The following GRIK3 variants were observed in gnomAD, a reference collection of about 807,000 sequenced individuals.
The protein encoded by GRIK3 is glutamate ionotropic receptor kainate type subunit 3, also known as glutamate receptor ionotropic, kainate 3.
Under a neutral mutation model 102.5 loss-of-function variants are expected in GRIK3, and 29 were observed. That is an observed-to-expected ratio of 0.28 (90% CI 0.21 to 0.39). The LOEUF (loss-of-function observed/expected upper bound fraction) is 0.39, where lower values mean the gene tolerates loss of function less well. Among genes scored for constraint, GRIK3 ranks in the 10% least tolerant of loss-of-function variants. The pLI is 1.00. For synonymous variants in GRIK3, 511 were observed against 504.9 expected (o/e 1.01, Z -0.16); for missense variants, 908 against 1,252.4 (o/e 0.73, Z 4.15).
At chr1:36,928,950 A>C (rs1641559145) in intron 1 of GRIK3, among the ~76,000 whole-genome samples, 1 of 152,222 alleles carries the variant, frequency 6.6e-6, no homozygotes, top group African/African-American at 2.4e-5. Context: ...AATGGGTAAT[A>C]TACATAATGA....
In GRIK3 at chr1:36,819,973, C is replaced by A. The variant is rs1557692017; in HGVS notation, c.1755-119G>T. ...CCTCAGCGTCAATATCCTCATGGTT[C>A]TGCTGGGAGGCAGGGCAGGGGAATT... On this transcript the variant is annotated intron_variant, in intron 11 of 15. Coordinates refer to ENST00000373091, the MANE Select transcript of GRIK3 (RefSeq NM_000831.4). This position sits in a 1 kb window ranked among gnomAD's most constrained non-coding sequence, Gnocchi z 4.1. The A allele has an allele frequency of 4.7e-6, 3 of 638,944 alleles. No homozygotes were observed. The highest frequency in any genetic ancestry group is 8.7e-6 in the Non-Finnish European group (3 of 345,160). The allele number at this position is 638,944 out of a possible 1,614,324, so 39.6% of individuals were successfully genotyped here.
intron 5 of GRIK3, among the ~76,000 whole-genome samples, chr1:36,868,860 A>G (rs1263971989): frequency 2.0e-5 from 3 of 152,190 alleles, no homozygotes; most frequent in Non-Finnish European, 4.4e-5. Flanking sequence ...GGGGTCATAG[A>G]TGCTGGGTAG....
chr1:36,902,419 C>T (rs971561519), intron 1 of GRIK3, among the ~76,000 whole-genome samples: 4 of 152,186 alleles, frequency 2.6e-5, no homozygotes, highest in Admixed American at 2.0e-4. Flanking sequence ...AATTCAGATG[C>T]AGACCCACAT....
chr1:36,809,821 G>A (rs1557688477), intron 13 of GRIK3, among the ~76,000 whole-genome samples: 1 of 152,220 alleles, frequency 6.6e-6, no homozygotes, highest in African/African-American at 2.4e-5. Context: ...GATGGGAAAG[G>A]ACACCAGAGA....
At chr1:36,909,408 C>T (rs1298656965) in intron 1 of GRIK3, among the ~76,000 whole-genome samples, 3 of 151,928 alleles carry the variant, frequency 2.0e-5, no homozygotes, top group Non-Finnish European at 4.4e-5. Flanking sequence ...AAGCAATTCT[C>T]CTGCCTCAGC....
intron 1 of GRIK3, among the ~76,000 whole-genome samples, chr1:37,012,535 C>A (rs1642607873): frequency 6.6e-6 from 1 of 152,208 alleles, no homozygotes; most frequent in South Asian, 2.1e-4. Context: ...CGTGCTGGCC[C>A]AGAGTCAGAA....
At chr1:36,939,873 G>A (rs187131197) in intron 1 of GRIK3, among the ~76,000 whole-genome samples, 2,498 of 150,950 alleles carry the variant, frequency 0.017, 64 homozygotes, top group African/African-American at 0.058. Context: ...TACCACTACC[G>A]TTGTCCCTGG....
chr1:36,834,165 GT>G (rs2124207549), intron 10 of GRIK3, among the ~76,000 whole-genome samples: 1 of 152,358 alleles, frequency 6.6e-6, no homozygotes, highest in South Asian at 2.1e-4. Flanking sequence ...GATCCTGCCT[GT>G]TTTGTTCACT....
intron 10 of GRIK3, among the ~76,000 whole-genome samples, chr1:36,828,543 A>G (rs888297749): frequency 6.6e-6 from 1 of 152,244 alleles, no homozygotes; most frequent in African/African-American, 2.4e-5. Flanking sequence ...TGAAGTGTGT[A>G]GTAGGCACTA....
At chr1:36,987,705 G>A (rs754439741) in intron 1 of GRIK3, among the ~76,000 whole-genome samples, 5 of 152,114 alleles carry the variant, frequency 3.3e-5, no homozygotes, top group South Asian at 4.1e-4. Flanking sequence ...TGACTGGAAC[G>A]GTGGGTGCAT....
At position 36,859,882 on chromosome 1, in the gene GRIK3, G is replaced by C. The variant is rs201049997; in HGVS notation, c.922C>G (p.Pro308Ala). Reference sequence around the variant, plus strand: ...TCCAGCAGGCCAGACTCGGACCGGGGAGCTGCCTGCAGCCGCTCCATGGAC... The same window carrying C: ...TCCAGCAGGCCAGACTCGGACCGGGCAGCTGCCTGCAGCCGCTCCATGGAC... ...KWSMERLQAA[P>A]RSESGLLDGV... The change falls in exon 6 of 16, where the codon CCC (proline) becomes GCC (alanine). Residue 308 changes from proline to alanine, a missense_variant. Transcript: ENST00000373091. 69 of 1,614,068 alleles carry C rather than the reference G, an allele frequency of 4.3e-5. No individual in the cohort carries two copies. In the East Asian group the frequency reaches 1.4e-3, roughly 34 times the overall value.
chr1:36,849,256 G>C (rs1357530925), intron 9 of GRIK3, among the ~76,000 whole-genome samples: 4 of 152,158 alleles, frequency 2.6e-5, no homozygotes, highest in African/African-American at 9.7e-5. Context: ...GTAGGGCCTG[G>C]TTCAGCTGCC....
chr1:36,930,976 G>C (rs1250019802), intron 1 of GRIK3, among the ~76,000 whole-genome samples: 1 of 152,160 alleles, frequency 6.6e-6, no homozygotes, highest in Non-Finnish European at 1.5e-5. Context: ...CTATATCTCT[G>C]GCATAGCTTG....
intron 1 of GRIK3, among the ~76,000 whole-genome samples, chr1:36,900,963 A>G (rs546551834): frequency 6.6e-6 from 1 of 152,332 alleles, no homozygotes; most frequent in Middle Eastern, 3.4e-3. Context: ...GAAATGAATG[A>G]AACACAATTT....
At chr1:36,846,512 G>A (rs1003631405) in intron 9 of GRIK3, among the ~76,000 whole-genome samples, 2 of 152,196 alleles carry the variant, frequency 1.3e-5, no homozygotes, top group African/African-American at 4.8e-5. Flanking sequence ...AGGCAGAGCA[G>A]TTTGATGTTG....
intron 1 of GRIK3, among the ~76,000 whole-genome samples, chr1:36,961,303 C>T (rs558889146): frequency 6.6e-6 from 1 of 152,368 alleles, no homozygotes; most frequent in Admixed American, 6.5e-5. Flanking sequence ...CGGAGGCAAG[C>T]AGGAAAGGGG....
At chr1:36,997,968 A>ATCCAGGG (rs1330356191) in intron 1 of GRIK3, among the ~76,000 whole-genome samples, 1 of 152,166 alleles carries the variant, frequency 6.6e-6, no homozygotes, top group Non-Finnish European at 1.5e-5. Flanking sequence ...AGCCCTATTA[A>ATCCAGGG]TCCAGGGTCC....
chr1:36,856,392 C>A (rs1334096848), intron 7 of GRIK3, among the ~76,000 whole-genome samples: 1 of 152,216 alleles, frequency 6.6e-6, no homozygotes, highest in Non-Finnish European at 1.5e-5. Context: ...CGCTGCCCGC[C>A]CCCTCTAGCC....
At chr1:36,807,347 C>T (rs1417097704) in intron 13 of GRIK3, among the ~76,000 whole-genome samples, 2 of 152,128 alleles carry the variant, frequency 1.3e-5, no homozygotes, top group East Asian at 3.9e-4. Context: ...TAGTGCTTTG[C>T]CAACTGCCTG....
Sources: allele counts gnomAD v4.1 joint callset (sites outside exome capture counted in the v4.1 genomes callset), GRCh38; gene constraint gnomAD v4.1.1; non-coding constraint Gnocchi (gnomAD v3.1); transcripts MANE v1.5; gene names NCBI Gene and HGNC (gene_info 2026-07-23, HGNC 2026-07-21).